Variants in KLRC1 observed in about 807,000 individuals in gnomAD.
KLRC1 encodes the protein killer cell lectin like receptor C1, also known as NKG2-A/NKG2-B type II integral membrane protein.
In KLRC1, 22 loss-of-function variants were observed where a neutral mutation model predicts 25.9. The observed-to-expected ratio is 0.85, with a 90% CI of 0.61 to 1.21. The LOEUF (loss-of-function observed/expected upper bound fraction) is 1.21. Ranked by LOEUF, KLRC1 falls within the 50% of genes most tolerant of loss-of-function variation. KLRC1 has a pLI of 0.00. For missense variants in KLRC1, 240 were observed against 272.2 expected, an observed-to-expected ratio of 0.88 and a Z score of 0.83; for synonymous variants, 77 against 93.1, an observed-to-expected ratio of 0.83 and a Z score of 0.99.
chr12:10,447,980 T>G (rs4492900), intron 5 of KLRC1, among the ~76,000 whole-genome samples: 54,392 of 152,004 alleles, frequency 0.36, 12,015 homozygotes, highest in African/African-American at 0.63. Context: ...GAAGAGAAAT[T>G]AGAGGTTGTG....
At chr12:10,447,728 A>C (rs1864023199) in intron 5 of KLRC1, 96 bp from the exon 6 acceptor site, 6 of 936,326 alleles carry the variant, frequency 6.4e-6, no homozygotes, top group Non-Finnish European at 9.5e-6. Context: ...GCAGTGCCAA[A>C]AACTTTCATA....
intron 4 of KLRC1, 147 bp from the exon 5 acceptor site, chr12:10,449,535 C>T: frequency 7.2e-7 from 1 of 1,395,412 alleles, no homozygotes; most frequent in Non-Finnish European, 9.7e-7. Flanking sequence ...GTCAAAATAC[C>T]CAGTCACTTA....
chr12:10,448,179 A>G (rs1433698848), intron 5 of KLRC1, among the ~76,000 whole-genome samples: 1 of 152,206 alleles, frequency 6.6e-6, no homozygotes, highest in Admixed American at 6.5e-5. Flanking sequence ...TCTGGGATTA[A>G]TGAAAGACAA....
chr12:10,444,814 AC>A, downstream of KLRC1, among the ~76,000 whole-genome samples: 2 of 152,204 alleles, frequency 1.3e-5, no homozygotes, highest in East Asian at 3.9e-4. Context: ...TGATATCAAA[AC>A]CTTTCAAGTA....
chr12:10,452,089 G>A lies in KLRC1; in HGVS notation c.-31-902C>T, dbSNP rs111800035. Among the ~76,000 whole-genome samples the A allele has an allele frequency of 2.6e-3, 394 of 151,960 alleles. 2 individuals are homozygous for A. Among genetic ancestry groups the A allele is most frequent in the African/African-American group, 9.1e-3 (376 of 41,490 alleles). Reference sequence around the variant, plus strand: ...TTGTATATGACAGAAAATGCTATGTGACACAGTTAACTTATGCATAACCTA... The same window carrying A: ...TTGTATATGACAGAAAATGCTATGTAACACAGTTAACTTATGCATAACCTA... On this transcript the variant is annotated intron_variant, in intron 1 of 6. Coordinates refer to ENST00000359151, the MANE Select transcript of KLRC1 (RefSeq NM_002259.5).
At chr12:10,445,515 T>TA (rs557523866), downstream of KLRC1, among the ~76,000 whole-genome samples, 30 of 152,270 alleles carry the variant, frequency 2.0e-4, no homozygotes, top group South Asian at 6.2e-3. Flanking sequence ...AAACGATACA[T>TA]ATGATACACA....
At chr12:10,448,234 G>T (rs964737287) in intron 5 of KLRC1, among the ~76,000 whole-genome samples, 3 of 152,162 alleles carry the variant, frequency 2.0e-5, no homozygotes, top group African/African-American at 7.2e-5. Flanking sequence ...AGATGAAATT[G>T]TCTGGGACCC....
rs1053395749 is a variant in KLRC1, at chr12:10,447,768, C to A, written c.490-136G>T. 25 of 707,806 alleles carry A rather than the reference C, an allele frequency of 3.5e-5. 2 individuals are homozygous for A. In the South Asian group the frequency reaches 5.4e-4, roughly 15 times the overall value. 43.8% of individuals were successfully genotyped at this position (707,806 alleles called of 1,614,324 possible). A position where few individuals can be genotyped will look rare whatever the true frequency, so the allele number is the denominator to read the frequency against. ...TTTATAATTTTGATATAAATGAACCCGTCAATGTTTATACTTAGTACTTTT... is the reference window on the plus strand; with the variant it reads ...TTTATAATTTTGATATAAATGAACCAGTCAATGTTTATACTTAGTACTTTT... On this transcript the variant is annotated intron_variant, in intron 5 of 6. Coordinates refer to ENST00000359151, the MANE Select transcript of KLRC1 (RefSeq NM_002259.5).
In KLRC1 at chr12:10,450,975, C is replaced by A; in HGVS notation, c.182G>T (p.Cys61Phe). ...GGATCTTTTAAATGCTTTACCTTTG[C>A]AGTGATAGGTTTTGTCATTCCCTTG... ...DFQGNDKTYHCKDLPSAPEKL... is the reference protein window; with the variant it reads ...DFQGNDKTYHFKDLPSAPEKL... The change falls in exon 2 of 7, where the codon TGC becomes TTC. Residue 61 changes from cysteine (C) to phenylalanine (F), a missense_variant. Cys to Phe is a radical substitution (Grantham distance 205). Coordinates refer to ENST00000359151, the MANE Select transcript of KLRC1 (RefSeq NM_002259.5). The A allele has an allele frequency of 6.2e-7, 1 of 1,607,006 alleles. No homozygotes were observed. Among genetic ancestry groups the A allele is most frequent in the South Asian group, 1.1e-5 (1 of 89,782 alleles).
In KLRC1 at chr12:10,453,313, A is replaced by C; in HGVS notation, c.-147T>G. The C allele has an allele frequency of 1.0e-6, 1 of 985,448 alleles. No homozygotes were observed. Among genetic ancestry groups the C allele is most frequent in the Non-Finnish European group, 1.2e-6 (1 of 829,916 alleles). The allele number at this position is 985,448 out of a possible 1,614,324, so 61.0% of individuals were successfully genotyped here. A position where few individuals can be genotyped will look rare whatever the true frequency, so the allele number is the denominator to read the frequency against. On this transcript the variant is annotated 5_prime_UTR_variant, in exon 1 of 7. Coordinates refer to ENST00000359151, the MANE Select transcript of KLRC1 (RefSeq NM_002259.5). ...AATTTAAAGGCATAAATCCAAGACAAGAACAAACAATGCCTGCAATCTTCG... is the reference window on the plus strand; with the variant it reads ...AATTTAAAGGCATAAATCCAAGACACGAACAAACAATGCCTGCAATCTTCG...
chr12:10,445,647 G>T (rs1342065464), downstream of KLRC1, among the ~76,000 whole-genome samples: 1 of 152,086 alleles, frequency 6.6e-6, no homozygotes, highest in Non-Finnish European at 1.5e-5. Flanking sequence ...ATCATGTGCA[G>T]ATAAAATTGC....
At position 10,449,935 on chromosome 12, in the gene KLRC1, G is replaced by C. The variant is rs200712193; in HGVS notation, c.316C>G (p.Leu106Val). 1.3e-6 allele frequency: 2 copies of C among 1,488,528 alleles called. No individual in the cohort carries two copies. The highest frequency in any genetic ancestry group is 5.0e-5 in the East Asian group (2 of 40,318). 92.2% of individuals were successfully genotyped at this position (1,488,528 alleles called of 1,614,324 possible). A position where few individuals can be genotyped will look rare whatever the true frequency, so the allele number is the denominator to read the frequency against. Residue 106 changes from leucine to valine, a missense_variant, in exon 4 of 7, where the codon CTG becomes GTG. By Grantham distance (32) the Leu-to-Val change is conservative. Transcript: ENST00000359151. ...TLIQRHNNSSLNTRTQKARHC... is the reference protein window; with the variant it reads ...TLIQRHNNSSVNTRTQKARHC... ...ATACCTTTCTGAGTTCTTGTATTCA[G>C]GGAAGAATTGTTGTGCCTCTGTATT...
intron 1 of KLRC1, 57 bp downstream of exon 1, chr12:10,453,141 G>C: frequency 1.3e-6 from 1 of 776,032 alleles, no homozygotes; most frequent in Non-Finnish European, 1.6e-6. Flanking sequence ...TTGAGCACTT[G>C]AAATCACCCA....
At chr12:10,443,678 C>CAT (rs1337050603), downstream of KLRC1, among the ~76,000 whole-genome samples, 2 of 141,292 alleles carry the variant, frequency 1.4e-5, 1 homozygote, top group African/African-American at 5.4e-5. Context: ...CACTCACACA[C>CAT]GTAGAATACT....
At chr12:10,450,361 C>T (rs1285685245) in intron 3 of KLRC1, 123 bp downstream of exon 3, 1 of 587,382 alleles carries the variant, frequency 1.7e-6, no homozygotes, top group Non-Finnish European at 3.0e-6. Context: ...ATAATCATTC[C>T]ACATTTAGTC....
chr12:10,452,811 G>A (rs1032365443), intron 1 of KLRC1, among the ~76,000 whole-genome samples: 1 of 152,066 alleles, frequency 6.6e-6, no homozygotes, highest in African/African-American at 2.4e-5. Context: ...CTGAGGAATT[G>A]TATTTGGCTT....
chr12:10,451,055 A>G lies in KLRC1; in HGVS notation c.102T>C (p.Thr34=), dbSNP rs995390418. The change falls in exon 2 of 7, where the codon ACT becomes ACC. Residue 34 remains threonine, a synonymous_variant. Coordinates refer to ENST00000359151, the MANE Select transcript of KLRC1 (RefSeq NM_002259.5). The part of the protein sequence containing the change: ...PKGNKNSILA[T]EQEITYAELN... The stretch of plus-strand genomic sequence containing the variant: ...ATTCCGCATAGGTTATTTCCTGTTC[A>G]GTTGCTAAAATGGAGTTTTTATTGC... The G allele has an allele frequency of 1.2e-6, 2 of 1,614,082 alleles. No individual in the cohort carries two copies. Among genetic ancestry groups the G allele is most frequent in the Non-Finnish European group, 1.7e-6 (2 of 1,179,994 alleles).
intron 5 of KLRC1, 89 bp downstream of exon 5, chr12:10,449,148 T>C: frequency 6.6e-7 from 1 of 1,524,316 alleles, no homozygotes; most frequent in Non-Finnish European, 9.0e-7. Flanking sequence ...AAGCTAAATG[T>C]ATATACCCAC....
chr12:10,448,104 T>G (rs1864031965), intron 5 of KLRC1, among the ~76,000 whole-genome samples: 1 of 152,172 alleles, frequency 6.6e-6, no homozygotes, highest in Non-Finnish European at 1.5e-5. Context: ...GGAATAACAG[T>G]GATCCTGACC....
Sources: gnomAD v4.1 joint callset for allele counts (sites outside exome capture counted in the v4.1 genomes callset) on GRCh38, gnomAD v4.1.1 for gene constraint, MANE v1.5 for transcripts, NCBI Gene and HGNC (gene_info 2026-07-23, HGNC 2026-07-21) for gene names.